RARB: variants seen among roughly 807,000 people sequenced by gnomAD.
The protein encoded by RARB is retinoic acid receptor beta.
RARB carries 17 observed loss-of-function variants against 51.9 expected under a neutral mutation model. The observed-to-expected ratio is 0.33, with a 90% CI of 0.22 to 0.49. RARB has a LOEUF of 0.49. RARB is among the 20% of genes least tolerant of loss of function. The pLI is 0.99. For missense variants in RARB, 369 were observed against 550.8 expected (o/e 0.67, Z 3.30); for synonymous variants, 215 against 195.4 (o/e 1.10, Z -0.84).
At chr3:25,251,429 T>G (rs1449402541) in intron 5 of RARB, among the ~76,000 whole-genome samples, 1 of 152,290 alleles carries the variant, frequency 6.6e-6, no homozygotes, top group East Asian at 1.9e-4. Flanking sequence ...TATGTTTAAC[T>G]TTTTAAGGTC....
chr3:25,024,799 A>G (rs1479564786), intron 2 of RARB, among the ~76,000 whole-genome samples: 3 of 151,962 alleles, frequency 2.0e-5, no homozygotes, highest in African/African-American at 7.3e-5. Flanking sequence ...CTAAAAATAC[A>G]AAAATTGGCT....
intron 3 of RARB, among the ~76,000 whole-genome samples, chr3:25,557,137 T>TCACACACACACA (rs55731301): frequency 0.015 from 2,232 of 145,398 alleles, 40 homozygotes; most frequent in African/African-American, 0.035. Context: ...GGCATTGCAT[T>TCACACACACACA]CACACACACA....
intron 7 of RARB, 103 bp from the exon 8 acceptor site, chr3:25,596,316 TC>T: frequency 1.1e-6 from 1 of 927,688 alleles, no homozygotes. Flanking sequence ...TAAGCAAGAA[TC>T]TTAGGAAACA....
chr3:25,197,134 TC>T (rs1474284889), intron 5 of RARB, among the ~76,000 whole-genome samples: 1 of 152,154 alleles, frequency 6.6e-6, no homozygotes, highest in Non-Finnish European at 1.5e-5. Context: ...AGACATGAAG[TC>T]CTTGCCCATG....
rs980660479 is a variant in RARB at position 25,596,311 on chromosome 3, A to G, written c.1151-109A>G. On this transcript the variant is annotated intron_variant, in intron 7 of 7. Transcript: ENST00000330688. ...TATCTACATTTCATAATTCCTAAGC[A>G]AGAATCTTAGGAAACACCTCTGTTA... 6.8e-6 allele frequency: 6 copies of G among 888,026 alleles called. No individual in the cohort carries two copies. The Admixed American group carries it at 1.3e-4, about 19-fold the overall frequency. 55.0% of individuals were successfully genotyped at this position (888,026 alleles called of 1,614,324 possible).
chr3:24,984,344 G>T (rs1696741386), intron 2 of RARB, among the ~76,000 whole-genome samples: 1 of 152,148 alleles, frequency 6.6e-6, no homozygotes. Flanking sequence ...CATTCAAGTA[G>T]AATTTATTTA....
At chr3:25,157,866 T>A (rs1700405223) in intron 4 of RARB, among the ~76,000 whole-genome samples, 1 of 152,220 alleles carries the variant, frequency 6.6e-6, no homozygotes, top group African/African-American at 2.4e-5. Flanking sequence ...ACCTCTTTAT[T>A]TGCACGGTGT....
chr3:25,213,659 G>C (rs1374377768), intron 5 of RARB, among the ~76,000 whole-genome samples: 4 of 152,146 alleles, frequency 2.6e-5, no homozygotes, highest in Admixed American at 1.3e-4. Flanking sequence ...GCCCAAAACA[G>C]CTTTTAAACA....
At chr3:25,483,527 CTTTTTTT>C (rs199602182) in intron 2 of RARB, among the ~76,000 whole-genome samples, 3 of 113,682 alleles carry the variant, frequency 2.6e-5, no homozygotes, top group African/African-American at 3.1e-5. Context: ...CATATTTCTT[CTTTTTTT>C]TTTTTTTTTT....
intron 3 of RARB, among the ~76,000 whole-genome samples, chr3:25,533,035 A>G (rs937243678): frequency 9.7e-4 from 147 of 152,318 alleles, no homozygotes; most frequent in African/African-American, 3.1e-3. Flanking sequence ...TAAAAACTCA[A>G]AGAGAATTCT....
chr3:24,880,583 T>C (rs1703139965), intron 2 of RARB, among the ~76,000 whole-genome samples: 1 of 152,144 alleles, frequency 6.6e-6, no homozygotes, highest in Admixed American at 6.5e-5. Context: ...CAACATGGGT[T>C]GTGAATACCC....
chr3:25,012,007 G>T (rs1242233054), intron 2 of RARB, among the ~76,000 whole-genome samples: 1 of 152,056 alleles, frequency 6.6e-6, no homozygotes, highest in Non-Finnish European at 1.5e-5. Flanking sequence ...ATCTGCACTG[G>T]ATTGGAAATC....
chr3:25,240,522 T>G (rs2164474), intron 5 of RARB, among the ~76,000 whole-genome samples: 40,423 of 151,846 alleles, frequency 0.27, 5,463 homozygotes, highest in South Asian at 0.3. Context: ...CCTAGTTTGT[T>G]GATAGTTTTT....
At chr3:25,236,853 T>A (rs1702313142) in intron 5 of RARB, among the ~76,000 whole-genome samples, 1 of 151,838 alleles carries the variant, frequency 6.6e-6, no homozygotes, top group African/African-American at 2.4e-5. Context: ...ATCTGGAAGA[T>A]CTCGCATCAT....
intron 5 of RARB, among the ~76,000 whole-genome samples, chr3:25,184,240 A>C (rs1476803980): frequency 6.6e-6 from 1 of 152,018 alleles, no homozygotes; most frequent in Non-Finnish European, 1.5e-5. Context: ...TAGTGCTGAG[A>C]TCCTTTGCCA....
chr3:24,843,326 T>A (rs13321469), intron 1 of RARB, among the ~76,000 whole-genome samples: 4,162 of 152,236 alleles, frequency 0.027, 171 homozygotes, highest in African/African-American at 0.095. Flanking sequence ...AGATAAAACA[T>A]TAATTTTAAA....
intron 3 of RARB, among the ~76,000 whole-genome samples, chr3:25,071,433 C>A (rs905377415): frequency 1.3e-5 from 2 of 152,178 alleles, no homozygotes; most frequent in African/African-American, 4.8e-5. Context: ...TCCCTCCACA[C>A]CCAAACTAAC....
intron 5 of RARB, among the ~76,000 whole-genome samples, chr3:25,328,738 G>A (rs116196210): frequency 0.012 from 1,879 of 152,264 alleles, 39 homozygotes; most frequent in African/African-American, 0.043. Context: ...CACTGCACCC[G>A]GGAAGCACAA....
chr3:25,489,031 T>G (rs1054108374), intron 2 of RARB, among the ~76,000 whole-genome samples: 4 of 152,210 alleles, frequency 2.6e-5, no homozygotes, highest in African/African-American at 9.6e-5. Context: ...TTGTGTGTGT[T>G]CTGTTAAATG....
Sources: gnomAD v4.1 joint callset for allele counts (sites outside exome capture counted in the v4.1 genomes callset) on GRCh38, gnomAD v4.1.1 for gene constraint, MANE v1.5 for transcripts, NCBI Gene and HGNC (gene_info 2026-07-23, HGNC 2026-07-21) for gene names.